RBMS3: variants seen among roughly 807,000 people sequenced by gnomAD.
RBMS3 encodes the protein RNA-binding motif, single-stranded-interacting protein 3.
Under a neutral mutation model 66.8 loss-of-function variants are expected in RBMS3, and 27 were observed. The ratio of observed to expected loss-of-function variants is 0.40; its 90% CI spans 0.30 to 0.56. RBMS3 has a LOEUF of 0.56. Among genes scored for constraint, RBMS3 ranks in the 20% least tolerant of loss-of-function variants. The pLI is 0.40. For synonymous variants in RBMS3, 188 were observed against 183.0 expected, an observed-to-expected ratio of 1.03 and a Z score of -0.22; for missense variants, 513 against 549.5, an observed-to-expected ratio of 0.93 and a Z score of 0.66.
chr3:29,673,373 C>T (rs559697826), intron 4 of RBMS3, among the ~76,000 whole-genome samples: 82 of 151,248 alleles, frequency 5.4e-4, no homozygotes, highest in Non-Finnish European at 1.0e-3. Context: ...CAAAAGCTAG[C>T]AGAAGGCAAC....
intron 1 of RBMS3, among the ~76,000 whole-genome samples, chr3:29,393,829 G>A (rs955609690): frequency 5.3e-5 from 8 of 152,192 alleles, no homozygotes; most frequent in Middle Eastern, 3.4e-3. Flanking sequence ...TAGGGATTTC[G>A]AAAGGGGAGG....
At chr3:29,932,087 T>C (rs1212190454) in intron 10 of RBMS3, among the ~76,000 whole-genome samples, 4 of 152,166 alleles carry the variant, frequency 2.6e-5, no homozygotes, top group Non-Finnish European at 1.5e-5. Flanking sequence ...CTACTAAGAT[T>C]CCAAATATGA....
intron 6 of RBMS3, chr3:29,767,348 CT>C (rs2055976026): frequency 6.6e-6 from 1 of 150,640 alleles, no homozygotes; most frequent in Non-Finnish European, 1.5e-5. Flanking sequence ...GTGGAGCAAT[CT>C]TTTCAGAATA....
Position 29,414,676 on chromosome 3 carries a change from G to C in RBMS3, c.76-20067G>C, listed in dbSNP as rs796795643. Among the ~76,000 whole-genome samples, 3 of 152,068 alleles carry C rather than the reference G, an allele frequency of 2.0e-5. No individual in the cohort carries two copies. The South Asian group carries it at 6.2e-4, about 32-fold the overall frequency. On this transcript the variant is annotated intron_variant, in intron 1 of 14. Coordinates refer to ENST00000383767, the MANE Select transcript of RBMS3 (RefSeq NM_001003793.3). ...GGAGATAATGTTAAATCAGCCTCGC[G>C]ACACACTGCTGTCATCATGCCAAAT...
chr3:29,686,566 T>C (rs2051742525), intron 4 of RBMS3, among the ~76,000 whole-genome samples: 1 of 152,096 alleles, frequency 6.6e-6, no homozygotes, highest in African/African-American at 2.4e-5. Context: ...GCCCCACTAG[T>C]CCCAGCTACT....
chr3:29,684,748 T>G (rs2051640032), intron 4 of RBMS3, among the ~76,000 whole-genome samples: 1 of 149,836 alleles, frequency 6.7e-6, no homozygotes, highest in South Asian at 2.1e-4. Context: ...TGTCACAAAA[T>G]TCAAACAGGT....
intron 3 of RBMS3, among the ~76,000 whole-genome samples, chr3:29,496,858 T>C (rs550110868): frequency 6.6e-6 from 1 of 152,326 alleles, no homozygotes; most frequent in African/African-American, 2.4e-5. Flanking sequence ...TCACTTAATA[T>C]ACATATTAGA....
intron 4 of RBMS3, among the ~76,000 whole-genome samples, chr3:29,597,212 A>G (rs1005486021): frequency 1.3e-5 from 2 of 152,204 alleles, no homozygotes; most frequent in Admixed American, 6.6e-5. Flanking sequence ...ATGTTTAATT[A>G]TCACAGGTAG....
At chr3:29,530,179 C>T (rs1283466926) in intron 3 of RBMS3, among the ~76,000 whole-genome samples, 3 of 152,144 alleles carry the variant, frequency 2.0e-5, no homozygotes, top group Admixed American at 2.0e-4. Flanking sequence ...GAGCCTTTTC[C>T]GTTTTAGGCT....
intron 1 of RBMS3, among the ~76,000 whole-genome samples, chr3:29,370,569 G>A (rs923033305): frequency 2.0e-5 from 3 of 152,166 alleles, no homozygotes; most frequent in Admixed American, 2.0e-4. Flanking sequence ...ATCCACTTGT[G>A]AGACTCTTAG....
Position 29,281,665 on chromosome 3 carries a change from A to T in RBMS3, c.-17A>T. 6.2e-7 allele frequency: 1 copy of T among 1,609,962 alleles called. No individual in the cohort carries two copies. The highest frequency in any genetic ancestry group is 8.5e-7 in the Non-Finnish European group (1 of 1,176,476). ...TGTCATCCAGTTCCCTGCCTCGGAG[A>T]TAAAGATTCCAGCTACATGGGCAAA... On this transcript the variant is annotated 5_prime_UTR_variant, in exon 1 of 15. Transcript: ENST00000383767.
intron 4 of RBMS3, among the ~76,000 whole-genome samples, 167 bp from the exon 5 acceptor site, chr3:29,739,553 A>G (rs17024309): frequency 0.027 from 4,066 of 152,242 alleles, 163 homozygotes; most frequent in African/African-American, 0.092. Flanking sequence ...TATGATAAAC[A>G]TTCTGCACAA....
chr3:29,999,051 A>C (rs1699440010), intron 14 of RBMS3, among the ~76,000 whole-genome samples: 1 of 152,048 alleles, frequency 6.6e-6, no homozygotes, highest in Non-Finnish European at 1.5e-5. Flanking sequence ...CAGAATCTAC[A>C]ATGAACTCAA....
chr3:29,726,959 T>C (rs183828149), intron 4 of RBMS3, among the ~76,000 whole-genome samples: 1 of 152,168 alleles, frequency 6.6e-6, no homozygotes, highest in East Asian at 1.9e-4. Context: ...TACCCGACTT[T>C]AAACTACACT....
At chr3:29,432,291 A>C (rs771956236) in intron 1 of RBMS3, among the ~76,000 whole-genome samples, 2 of 152,204 alleles carry the variant, frequency 1.3e-5, no homozygotes, top group Non-Finnish European at 2.9e-5. Flanking sequence ...GAACAACAGC[A>C]ACATTGAAAG....
In RBMS3 at chr3:29,374,248, G is replaced by T. The variant is rs2038351145; in HGVS notation, c.76-60495G>T. 2.0e-5 allele frequency among the ~76,000 whole-genome samples: 3 copies of T among 152,194 alleles called. No individual in the cohort carries two copies. In the South Asian group the frequency reaches 6.2e-4, roughly 32 times the overall value. ...ATAGCCTTTTAGAAAATGTTGAGTT[G>T]ATTTTATAAGGAGAATATATCAGTA... On this transcript the variant is annotated intron_variant, in intron 1 of 14. Coordinates refer to ENST00000383767, the MANE Select transcript of RBMS3 (RefSeq NM_001003793.3).
chr3:29,668,739 A>T (rs2050870159), intron 4 of RBMS3, among the ~76,000 whole-genome samples: 1 of 152,248 alleles, frequency 6.6e-6, no homozygotes, highest in African/African-American at 2.4e-5. Context: ...ACTTCACAGA[A>T]TCACAGAATT....
intron 4 of RBMS3, among the ~76,000 whole-genome samples, chr3:29,719,283 A>T (rs565962811): frequency 6.6e-6 from 1 of 152,214 alleles, no homozygotes; most frequent in Non-Finnish European, 1.5e-5. Context: ...AAGCTAAGAC[A>T]TTGGACTAGG....
At chr3:29,889,048 G>T (rs991073660) in intron 8 of RBMS3, among the ~76,000 whole-genome samples, 1 of 151,392 alleles carries the variant, frequency 6.6e-6, no homozygotes, top group African/African-American at 2.4e-5. Context: ...AAAGTATTAC[G>T]TGGCCTTTAC....
Sources: gnomAD v4.1 joint callset for allele counts (sites outside exome capture counted in the v4.1 genomes callset) on GRCh38, gnomAD v4.1.1 for gene constraint, MANE v1.5 for transcripts, NCBI Gene and HGNC (gene_info 2026-07-23, HGNC 2026-07-21) for gene names.